Variants in ANXA8 observed in about 807,000 individuals in gnomAD.
ANXA8 encodes the protein annexin A8, also known as VAC-beta.
Under a neutral mutation model 26.8 loss-of-function variants are expected in ANXA8, and 9 were observed. The ratio of observed to expected loss-of-function variants is 0.34; its 90% CI spans 0.20 to 0.59. ANXA8 has a LOEUF of 0.59. ANXA8 is among the 20% of genes least tolerant of loss of function. The pLI is 0.84. For missense variants in ANXA8, 83 were observed against 238.5 expected (o/e 0.35, Z 4.29); for synonymous variants, 39 against 94.8 (o/e 0.41, Z 3.42).
At chr10:47,755,401 G>A in the ANXA8 span, among the ~76,000 whole-genome samples, 5 of 152,192 alleles carry the variant, frequency 3.3e-5, no homozygotes, top group African/African-American at 4.8e-5. Context: ...GACTACAGGC[G>A]CCAGCCACCA....
chr10:47,725,665 G>T, the ANXA8 span, among the ~76,000 whole-genome samples: 1 of 97,376 alleles, frequency 1.0e-5, no homozygotes, highest in Non-Finnish European at 2.1e-5. Flanking sequence ...TAGAGATGAG[G>T]TCTCGTTGTG....
the ANXA8 span, among the ~76,000 whole-genome samples, chr10:47,510,983 G>A: frequency 2.3e-5 from 3 of 128,302 alleles, no homozygotes; most frequent in South Asian, 2.5e-4. Flanking sequence ...TCGCTCTGTA[G>A]CCCAGGCTGG....
chr10:47,698,162 G>C, the ANXA8 span, among the ~76,000 whole-genome samples: 2 of 150,308 alleles, frequency 1.3e-5, no homozygotes, highest in African/African-American at 2.5e-5. Flanking sequence ...AGAGGGAACT[G>C]GTTTGTGGGG....
chr10:47,646,780 C>A, the ANXA8 span, among the ~76,000 whole-genome samples: 1 of 152,092 alleles, frequency 6.6e-6, no homozygotes, highest in South Asian at 2.1e-4. Flanking sequence ...GTCTGATTCT[C>A]TCATAACTAT....
At chr10:47,665,548 T>C in the ANXA8 span, among the ~76,000 whole-genome samples, 2 of 150,540 alleles carry the variant, frequency 1.3e-5, no homozygotes, top group East Asian at 3.8e-4. Flanking sequence ...TATTTTAAGC[T>C]CCTGATAGAA....
the ANXA8 span, among the ~76,000 whole-genome samples, chr10:47,525,407 A>G: frequency 8.5e-4 from 122 of 143,660 alleles, 1 homozygote; most frequent in East Asian, 0.026. Flanking sequence ...CTCCATCCCA[A>G]GAAACAAAAC....
chr10:47,536,740 G>C, the ANXA8 span, among the ~76,000 whole-genome samples: 1 of 125,740 alleles, frequency 8.0e-6, no homozygotes, highest in African/African-American at 3.8e-5. Context: ...AGGATCACTT[G>C]AGCCCAGGAG....
chr10:47,470,477 T>C (rs1323021048), intron 11 of ANXA8, among the ~76,000 whole-genome samples: 1 of 123,908 alleles, frequency 8.1e-6, no homozygotes, highest in African/African-American at 3.3e-5. Flanking sequence ...CTGGGGAGCC[T>C]CAAGTGAAAC....
In ANXA8 at chr10:47,476,294, A is replaced by G. The variant is rs1465683415; in HGVS notation, c.350T>C (p.Ile117Thr). 2.2e-4 allele frequency: 110 copies of G among 511,434 alleles called. 12 individuals carry two copies. The highest frequency in any genetic ancestry group is 8.1e-5 in the Non-Finnish European group (28 of 344,770). The allele number at this position is 511,434 out of a possible 1,614,324, so 31.7% of individuals were successfully genotyped here. Residue 117 changes from isoleucine to threonine, a missense_variant, in exon 5 of 12, where the codon ATT becomes ACT. By Grantham distance (89) the Ile-to-Thr change is moderately conservative. Transcript: ENST00000585281. Reference sequence around the variant, plus strand: ...CTTGGTCCGAGAGGCCAGGATCTCAATGATGACACCCTCCTTGGTTCCTAA... The same window carrying G: ...CTTGGTCCGAGAGGCCAGGATCTCAGTGATGACACCCTCCTTGGTTCCTAA... The part of the protein sequence containing the change: ...KGLGTKEGVI[I>T]EILASRTKNQ...
chr10:47,981,906 C>T, the ANXA8 span, among the ~76,000 whole-genome samples: 1 of 152,100 alleles, frequency 6.6e-6, no homozygotes, highest in Non-Finnish European at 1.5e-5. Flanking sequence ...GATTGTGTGC[C>T]TTTTTCTCAG....
chr10:47,745,216 C>T, the ANXA8 span, among the ~76,000 whole-genome samples: 173 of 148,258 alleles, frequency 1.2e-3, no homozygotes, highest in African/African-American at 4.1e-3. Flanking sequence ...TTGAGTACTT[C>T]GAGGTCCCCT....
At chr10:47,667,337 C>A in the ANXA8 span, among the ~76,000 whole-genome samples, 1 of 151,926 alleles carries the variant, frequency 6.6e-6, no homozygotes, top group African/African-American at 2.4e-5. Context: ...GTTGAAAGTA[C>A]AAAATCATTC....
the ANXA8 span, among the ~76,000 whole-genome samples, chr10:47,918,435 G>GAA: frequency 2.8e-5 from 1 of 35,094 alleles, no homozygotes; most frequent in Non-Finnish European, 5.9e-5. Flanking sequence ...GAAAGAAAGA[G>GAA]AGAGAGAAAG....
At chr10:47,702,055 T>C in the ANXA8 span, among the ~76,000 whole-genome samples, 1 of 149,708 alleles carries the variant, frequency 6.7e-6, no homozygotes, top group East Asian at 2.0e-4. Flanking sequence ...AACAAATGAG[T>C]ACATAGATTG....
At chr10:47,898,810 G>GGTTTTTT in the ANXA8 span, among the ~76,000 whole-genome samples, 1 of 21,052 alleles carries the variant, frequency 4.8e-5, no homozygotes, top group Non-Finnish European at 9.8e-5. Context: ...AAAGAGAATG[G>GGTTTTTT]ATTTTTTTTT....
the ANXA8 span, among the ~76,000 whole-genome samples, chr10:47,492,940 T>G: frequency 1.7e-4 from 25 of 150,884 alleles, 1 homozygote; most frequent in African/African-American, 6.1e-4. Context: ...CGGGGCCTGA[T>G]TAGTTTACTG....
chr10:47,622,856 A>G, the ANXA8 span, among the ~76,000 whole-genome samples: 1 of 113,164 alleles, frequency 8.8e-6, no homozygotes, highest in Non-Finnish European at 1.9e-5. Flanking sequence ...TCGCAAGGTC[A>G]AGGAAAGAAT....
the ANXA8 span, among the ~76,000 whole-genome samples, chr10:47,586,537 G>A: frequency 1.4e-4 from 20 of 145,332 alleles, no homozygotes; most frequent in East Asian, 3.9e-3. Context: ...ACTAGCTGAG[G>A]CTTATCCGCA....
At chr10:47,726,585 T>C in the ANXA8 span, among the ~76,000 whole-genome samples, 1 of 152,276 alleles carries the variant, frequency 6.6e-6, no homozygotes, top group Admixed American at 6.5e-5. Context: ...AACAGTTTAA[T>C]ATATTTTTAT....
Sources: gnomAD v4.1 joint callset for allele counts (sites outside exome capture counted in the v4.1 genomes callset) on GRCh38, gnomAD v4.1.1 for gene constraint, MANE v1.5 for transcripts, NCBI Gene and HGNC (gene_info 2026-07-23, HGNC 2026-07-21) for gene names.